Variants in ZYG11A observed in about 807,000 individuals in gnomAD.
ZYG11A encodes the protein protein zyg-11 homolog A.
In ZYG11A, 62 loss-of-function variants were observed where a neutral mutation model predicts 77.2. The ratio of observed to expected loss-of-function variants is 0.80; its 90% CI spans 0.65 to 0.99. ZYG11A has a LOEUF of 0.99. Ranked by LOEUF, ZYG11A falls within the 50% of genes least tolerant of loss-of-function variation. The probability of loss-of-function intolerance (pLI) is 0.00; values close to 1 mark genes in which losing one functional copy is unlikely to be tolerated. For missense variants in ZYG11A, 828 were observed against 896.8 expected (o/e 0.92, Z 0.98); for synonymous variants, 315 against 324.6 (o/e 0.97, Z 0.32).
intron 1 of ZYG11A, among the ~76,000 whole-genome samples, chr1:52,846,332 A>C (rs1193535705): frequency 0.031 from 381 of 12,448 alleles, 17 homozygotes; most frequent in African/African-American, 0.096. Context: ...ATATATATAT[A>C]TATATATATA....
In ZYG11A at chr1:52,877,796, C is replaced by G. The variant is rs1254401265; in HGVS notation, c.1657C>G (p.His553Asp). ...AGATGGGTCTCCAGCTGCCTGCAAG[C>G]ACTTCATTGAAAATCAAGGATTGCA... is the stretch of plus-strand genomic sequence containing the variant. ...LTDGSPAACK[H>D]FIENQGLQIF... The change falls in exon 9 of 14, where the codon CAC becomes GAC. Residue 553 changes from histidine (H) to aspartate (D), a missense_variant. Transcript: ENST00000371528. 2.6e-6 allele frequency: 4 copies of G among 1,551,626 alleles called. No homozygotes were observed. The highest frequency in any genetic ancestry group is 2.6e-6 in the Non-Finnish European group (3 of 1,147,006).
intron 2 of ZYG11A, among the ~76,000 whole-genome samples, chr1:52,855,084 AC>A (rs1295605992): frequency 6.6e-6 from 1 of 150,556 alleles, no homozygotes; most frequent in Non-Finnish European, 1.5e-5. Context: ...CTGGTCTTGA[AC>A]TCCTGAGTTC....
At chr1:52,886,117 G>C (rs935718279) in intron 12 of ZYG11A, among the ~76,000 whole-genome samples, 2 of 151,514 alleles carry the variant, frequency 1.3e-5, no homozygotes, top group Non-Finnish European at 2.9e-5. Flanking sequence ...TATTTTTAGT[G>C]GAGACGGGGT....
intron 1 of ZYG11A, among the ~76,000 whole-genome samples, chr1:52,848,952 A>G (rs1009150993): frequency 6.6e-6 from 1 of 152,222 alleles, no homozygotes; most frequent in Non-Finnish European, 1.5e-5. Context: ...TTAATTAACT[A>G]TATTTCAATA....
At chr1:52,850,518 C>T in intron 1 of ZYG11A, among the ~76,000 whole-genome samples, 1 of 152,232 alleles carries the variant, frequency 6.6e-6, no homozygotes, top group East Asian at 1.9e-4. Context: ...CGGGGTTTCA[C>T]CACGTTGGCC....
At chr1:52,845,478 TGTATTTTTGTAGAGACAG>T (rs1645548574) in intron 1 of ZYG11A, among the ~76,000 whole-genome samples, 1 of 151,800 alleles carries the variant, frequency 6.6e-6, no homozygotes. Flanking sequence ...GGCTAATTTT[TGTATTTTTGTAGAGACAG>T]GTATTTTTGT....
chr1:52,868,130 T>C (rs1646064102), intron 8 of ZYG11A, among the ~76,000 whole-genome samples: 2 of 151,886 alleles, frequency 1.3e-5, no homozygotes, highest in South Asian at 2.1e-4. Context: ...CACACCTGGC[T>C]AATTTTTGTA....
At position 52,885,893 on chromosome 1, in the gene ZYG11A, A is replaced by C. The variant is rs1043265709; in HGVS notation, c.2005A>C (p.Arg669=). The stretch of plus-strand genomic sequence containing the variant: ...TAAGATGACAGCATTGGTGACCTAT[A>C]GGTAATTTCATGGTGTTGTGCTTTT... ...SCKMTALVTY[R]SFKTFFPLLG... is the part of the protein sequence containing the mutation. The change falls in exon 12 of 14, where the codon AGA becomes CGA. Residue 669 remains arginine, a splice_region_variant and synonymous_variant. Transcript: ENST00000371528. 12 of 1,539,124 alleles carry C rather than the reference A, an allele frequency of 7.8e-6. No individual in the cohort carries two copies. In the African/African-American group the frequency reaches 1.4e-4, roughly 18 times the overall value.
intron 10 of ZYG11A, among the ~76,000 whole-genome samples, chr1:52,878,753 A>G (rs1415106869): frequency 6.6e-6 from 1 of 152,130 alleles, no homozygotes; most frequent in Non-Finnish European, 1.5e-5. Context: ...AACCTGGTCA[A>G]CATGGTGAAA....
chr1:52,849,088 C>A (rs1352713244), intron 1 of ZYG11A, among the ~76,000 whole-genome samples: 1 of 151,340 alleles, frequency 6.6e-6, no homozygotes, highest in Non-Finnish European at 1.5e-5. Flanking sequence ...TTTTTGAGAC[C>A]GAGTCTCACT....
At chr1:52,852,161 A>G (rs1571836001) in intron 1 of ZYG11A, among the ~76,000 whole-genome samples, 1 of 147,356 alleles carries the variant, frequency 6.8e-6, no homozygotes, top group Admixed American at 6.8e-5. Context: ...TGATCCACCC[A>G]CCTCAGCCTC....
intron 13 of ZYG11A, 74 bp from the exon 14 acceptor site, chr1:52,892,708 A>G (rs1646566723): frequency 5.5e-6 from 7 of 1,271,602 alleles, no homozygotes; most frequent in Non-Finnish European, 6.6e-6. Context: ...TTCTTCAGCA[A>G]GGTGAATGTG....
At chr1:52,865,705 A>G (rs1413233462) in intron 5 of ZYG11A, among the ~76,000 whole-genome samples, 1 of 152,166 alleles carries the variant, frequency 6.6e-6, no homozygotes, top group African/African-American at 2.4e-5. Context: ...AACAGGCCAA[A>G]CTCAAAAGAG....
intron 8 of ZYG11A, among the ~76,000 whole-genome samples, chr1:52,870,163 C>T (rs1039344585): frequency 1.5e-5 from 2 of 132,792 alleles, no homozygotes; most frequent in African/African-American, 2.6e-5. Flanking sequence ...CGGGCAGAGA[C>T]GCTCTTCACT....
Position 52,842,772 on chromosome 1 carries a change from T to A in ZYG11A, c.-112T>A. 9.9e-7 allele frequency: 1 copy of A among 1,013,296 alleles called. No homozygotes were observed. Among genetic ancestry groups the A allele is most frequent in the Non-Finnish European group, 1.4e-6 (1 of 697,216 alleles). The allele number at this position is 1,013,296 out of a possible 1,614,324, so 62.8% of individuals were successfully genotyped here. On this transcript the variant is annotated 5_prime_UTR_variant, in exon 1 of 14. Transcript: ENST00000371528. ...GGCAGGGCGCGGCGCTAGCTCCGTG[T>A]GCCTCGCAGGCGTGGTGGGCGCGTC...
intron 13 of ZYG11A, among the ~76,000 whole-genome samples, chr1:52,888,116 AT>A (rs1480079876): frequency 1.3e-5 from 2 of 152,220 alleles, no homozygotes; most frequent in African/African-American, 4.8e-5. Context: ...AACATAAAGT[AT>A]TTTAAAATGC....
intron 1 of ZYG11A, among the ~76,000 whole-genome samples, chr1:52,847,744 G>C (rs986135892): frequency 2.1e-5 from 3 of 144,916 alleles, no homozygotes; most frequent in Non-Finnish European, 4.5e-5. Context: ...ATCTCGGTTC[G>C]CTGCAACCTC....
Position 52,848,022 on chromosome 1 carries a change from A to G in ZYG11A, c.90+5049A>G, listed in dbSNP as rs555246339. Reference sequence around the variant, plus strand: ...GTAGCTGGGACTATAGGCGCCTGCCATCATGCCTGGCTAATTTTTTGTATT... The same window carrying G: ...GTAGCTGGGACTATAGGCGCCTGCCGTCATGCCTGGCTAATTTTTTGTATT... On this transcript the variant is annotated intron_variant, in intron 1 of 13. Coordinates refer to ENST00000371528, the MANE Select transcript of ZYG11A (RefSeq NM_001004339.3). Among the ~76,000 whole-genome samples the G allele has an allele frequency of 9.7e-4, 148 of 152,156 alleles. 1 individual carries two copies. Among genetic ancestry groups the G allele is most frequent in the African/African-American group, 3.4e-3 (140 of 41,524 alleles).
chr1:52,883,438 A>AT (rs879663007), intron 11 of ZYG11A, among the ~76,000 whole-genome samples: 126 of 141,218 alleles, frequency 8.9e-4, no homozygotes, highest in African/African-American at 1.8e-3. Flanking sequence ...TAAAAAAAAG[A>AT]TTTTTTTTTT....
Sources: gnomAD v4.1 joint callset for allele counts (sites outside exome capture counted in the v4.1 genomes callset) on GRCh38, gnomAD v4.1.1 for gene constraint, MANE v1.5 for transcripts, NCBI Gene and HGNC (gene_info 2026-07-23, HGNC 2026-07-21) for gene names.